Variants in MPPED2 observed in about 807,000 individuals in gnomAD.
MPPED2 encodes metallophosphoesterase domain containing 2.
A neutral mutation model predicts 33.0 loss-of-function variants in MPPED2; 5 were observed. The observed-to-expected ratio is 0.15, with a 90% CI of 0.08 to 0.32. The LOEUF is 0.32. MPPED2 is among the 10% of genes least tolerant of loss of function. MPPED2 has a pLI of 1.00. For synonymous variants in MPPED2, 136 were observed against 141.9 expected (o/e 0.96, Z 0.29); for missense variants, 275 against 372.1 (o/e 0.74, Z 2.15).
exon 7 of MPPED2, chr11:30,387,467 G>A (rs144022968): frequency 1.3e-5 from 2 of 152,370 alleles, no homozygotes; most frequent in Admixed American, 1.3e-4. Flanking sequence ...GGATAAAGGA[G>A]ACTGTCAGGG....
intron 4 of MPPED2, chr11:30,451,872 A>G (rs550585159): frequency 1.0e-6 from 1 of 984,690 alleles, no homozygotes; most frequent in East Asian, 1.1e-4. Flanking sequence ...CAGCAGACCT[A>G]TGCCCTAGTT....
At chr11:30,430,292 G>A (rs760332308) in intron 4 of MPPED2, among the ~76,000 whole-genome samples, 10 of 151,832 alleles carry the variant, frequency 6.6e-5, no homozygotes, top group Non-Finnish European at 1.0e-4. Flanking sequence ...GTCTGAAAAC[G>A]GAGATGTGCT....
chr11:30,471,959 A>G (rs1250284605), intron 4 of MPPED2, among the ~76,000 whole-genome samples: 1 of 152,150 alleles, frequency 6.6e-6, no homozygotes, highest in Non-Finnish European at 1.5e-5. Flanking sequence ...TGACAAAAAA[A>G]AAACATTTTT....
chr11:30,399,377 C>T (rs1005355871), intron 6 of MPPED2, among the ~76,000 whole-genome samples: 1 of 152,156 alleles, frequency 6.6e-6, no homozygotes, highest in East Asian at 1.9e-4. Flanking sequence ...TATGTTTCTC[C>T]TTTCCTCTAG....
At chr11:30,522,236 T>C (rs1953912026) in intron 3 of MPPED2, among the ~76,000 whole-genome samples, 1 of 152,142 alleles carries the variant, frequency 6.6e-6, no homozygotes, top group Non-Finnish European at 1.5e-5. Flanking sequence ...ATAGATTACA[T>C]AACAGTTGTA....
chr11:30,475,358 T>C (rs1289518589), intron 4 of MPPED2, among the ~76,000 whole-genome samples: 1 of 152,160 alleles, frequency 6.6e-6, no homozygotes, highest in African/African-American at 2.4e-5. Context: ...GTTGCAGATA[T>C]ATACATACTA....
At chr11:30,432,380 A>T (rs1414234825) in intron 4 of MPPED2, among the ~76,000 whole-genome samples, 1 of 151,824 alleles carries the variant, frequency 6.6e-6, no homozygotes, top group African/African-American at 2.4e-5. Context: ...TGTTTTATAA[A>T]TAGAACATTG....
chr11:30,433,504 G>A (rs960237690), intron 4 of MPPED2, among the ~76,000 whole-genome samples: 1 of 152,122 alleles, frequency 6.6e-6, no homozygotes, highest in African/African-American at 2.4e-5. Context: ...GGCAAAAAGA[G>A]GCTAAAGATT....
chr11:30,466,171 A>G (rs1170741358), intron 4 of MPPED2, among the ~76,000 whole-genome samples: 1 of 152,200 alleles, frequency 6.6e-6, no homozygotes, highest in Non-Finnish European at 1.5e-5. Flanking sequence ...GAAAGGTATT[A>G]TTATTTGTTC....
At chr11:30,524,350 G>A (rs1954044802) in intron 3 of MPPED2, among the ~76,000 whole-genome samples, 1 of 152,106 alleles carries the variant, frequency 6.6e-6, no homozygotes, top group African/African-American at 2.4e-5. Flanking sequence ...CCAGAGAGAA[G>A]TGTGGTGGGA....
chr11:30,582,112 T>C (rs1434110853), intron 1 of MPPED2, among the ~76,000 whole-genome samples: 2 of 152,246 alleles, frequency 1.3e-5, no homozygotes, highest in Admixed American at 6.5e-5. Context: ...AATTATATTT[T>C]ACTGTTATTT....
At chr11:30,577,037 T>C (rs756964152) in intron 2 of MPPED2, among the ~76,000 whole-genome samples, 9 of 152,192 alleles carry the variant, frequency 5.9e-5, no homozygotes, top group Non-Finnish European at 1.3e-4. Flanking sequence ...ATGAGCTTCA[T>C]GAAGATGGGG....
intron 3 of MPPED2, among the ~76,000 whole-genome samples, chr11:30,523,536 C>T (rs1393998413): frequency 1.3e-5 from 2 of 151,764 alleles, no homozygotes; most frequent in Non-Finnish European, 2.9e-5. Context: ...TCCAATAAGG[C>T]GCCTTCAATT....
At chr11:30,571,581 G>C (rs2134821288) in intron 2 of MPPED2, among the ~76,000 whole-genome samples, 1 of 152,248 alleles carries the variant, frequency 6.6e-6, no homozygotes, top group South Asian at 2.1e-4. Context: ...AACCATGCTA[G>C]GATAGCTACT....
chr11:30,567,210 G>C (rs567555154), intron 2 of MPPED2, among the ~76,000 whole-genome samples: 2 of 152,258 alleles, frequency 1.3e-5, no homozygotes, highest in African/African-American at 4.8e-5. Flanking sequence ...CCAAAAGTCT[G>C]GCTGGCACCA....
intron 3 of MPPED2, among the ~76,000 whole-genome samples, chr11:30,508,079 C>G (rs2134285046): frequency 6.6e-6 from 1 of 152,186 alleles, no homozygotes; most frequent in East Asian, 1.9e-4. Flanking sequence ...GTGTTTTCTC[C>G]TAATTAGTAT....
intron 4 of MPPED2, among the ~76,000 whole-genome samples, chr11:30,481,698 A>G (rs903353413): frequency 2.6e-5 from 4 of 152,162 alleles, no homozygotes; most frequent in Non-Finnish European, 5.9e-5. Flanking sequence ...GAACCCAAGT[A>G]CCAGGGTGTC....
intron 4 of MPPED2, among the ~76,000 whole-genome samples, chr11:30,425,385 G>C (rs1391303798): frequency 6.6e-6 from 1 of 152,170 alleles, no homozygotes; most frequent in East Asian, 1.9e-4. Context: ...AACATGACCA[G>C]TTTTCGAACT....
intron 4 of MPPED2, among the ~76,000 whole-genome samples, chr11:30,445,675 T>C (rs1590296907): frequency 6.6e-6 from 1 of 152,220 alleles, no homozygotes; most frequent in African/African-American, 2.4e-5. Context: ...TTGACCACTC[T>C]AAGTACCTCA....
Sources: gnomAD v4.1 joint callset for allele counts (sites outside exome capture counted in the v4.1 genomes callset) on GRCh38, gnomAD v4.1.1 for gene constraint, MANE v1.5 for transcripts, NCBI Gene and HGNC (gene_info 2026-07-23, HGNC 2026-07-21) for gene names.